The following ATOX1 variants were observed in gnomAD, a reference collection of about 807,000 sequenced individuals.
ATOX1 encodes copper transport protein ATOX1.
Under a neutral mutation model 7.3 loss-of-function variants are expected in ATOX1, and 4 were observed. That is an observed-to-expected ratio of 0.55 (90% confidence interval 0.27 to 1.25). The LOEUF is 1.25. Among genes scored for constraint, ATOX1 ranks in the 50% most tolerant of loss-of-function variants. The probability of loss-of-function intolerance (pLI) is 0.12; values close to 1 mark genes in which losing one functional copy is unlikely to be tolerated. For missense variants in ATOX1, 68 were observed against 81.6 expected, an observed-to-expected ratio of 0.83 and a Z score of 0.64; for synonymous variants, 25 against 28.7, an observed-to-expected ratio of 0.87 and a Z score of 0.41.
At chr5:151,751,950 A>G (rs886302863) in intron 1 of ATOX1, 171 bp from the exon 2 acceptor site, 15 of 622,104 alleles carry the variant, frequency 2.4e-5, no homozygotes, top group Non-Finnish European at 4.3e-5. Context: ...TCAACTATAG[A>G]GTAGCTAAGA....
intron 1 of ATOX1, 36 bp downstream of exon 1, chr5:151,758,510 G>A: frequency 1.3e-6 from 2 of 1,484,642 alleles, no homozygotes; most frequent in African/African-American, 1.5e-5. Flanking sequence ...ACCCGGGACT[G>A]CAAGTCTGCG....
intron 1 of ATOX1, among the ~76,000 whole-genome samples, chr5:151,758,301 C>T (rs1372016011): frequency 6.6e-6 from 1 of 152,254 alleles, no homozygotes; most frequent in Non-Finnish European, 1.5e-5. Flanking sequence ...AAGGTGTGGG[C>T]TTGTCGCCCC....
intron 2 of ATOX1, among the ~76,000 whole-genome samples, chr5:151,749,820 T>C (rs1412774689): frequency 1.3e-5 from 2 of 152,096 alleles, no homozygotes; most frequent in Non-Finnish European, 1.5e-5. Context: ...TTCTTTCCAC[T>C]GTTTCAGTTT....
At chr5:151,747,683 C>G (rs956507781) in intron 2 of ATOX1, among the ~76,000 whole-genome samples, 3 of 151,940 alleles carry the variant, frequency 2.0e-5, no homozygotes, top group Middle Eastern at 3.2e-3. Context: ...CTCCCGGGTT[C>G]AAGCGATTCT....
intron 2 of ATOX1, among the ~76,000 whole-genome samples, chr5:151,747,618 G>A (rs1203064527): frequency 2.2e-5 from 3 of 138,084 alleles, no homozygotes; most frequent in Admixed American, 1.4e-4. Context: ...ACAGAGTCTC[G>A]CTGTGTCACC....
chr5:151,755,639 A>G (rs1581559525), intron 1 of ATOX1, among the ~76,000 whole-genome samples: 1 of 152,298 alleles, frequency 6.6e-6, no homozygotes, highest in South Asian at 2.1e-4. Flanking sequence ...CATCCCCCAC[A>G]GTATAAAGGT....
rs1761856830 is a variant in ATOX1, at chr5:151,744,328, G to A, written c.*47-1369C>T. 3.3e-5 allele frequency: 5 copies of A among 152,328 alleles called. No individual in the cohort carries two copies. The South Asian group carries it at 1.0e-3, about 32-fold the overall frequency. 9.4% of individuals were successfully genotyped at this position (152,328 alleles called of 1,614,324 possible). On this transcript the variant is annotated intron_variant, in intron 3 of 3. Coordinates refer to ENST00000313115, the MANE Select transcript of ATOX1 (RefSeq NM_004045.4). ...GTTCCATTATTGGAACGCTAAGCTTGCAGGAGTTATTTATATCCTACTGTT... is the reference window on the plus strand; with the variant it reads ...GTTCCATTATTGGAACGCTAAGCTTACAGGAGTTATTTATATCCTACTGTT...
At chr5:151,752,421 T>C in intron 1 of ATOX1, 11 of 699,584 alleles carry the variant, frequency 1.6e-5, no homozygotes, top group Middle Eastern at 6.9e-4. Flanking sequence ...CCCCGGCTCC[T>C]AGTCTTCATG....
intron 1 of ATOX1, chr5:151,752,143 G>C: frequency 1.6e-6 from 1 of 637,284 alleles, no homozygotes. Flanking sequence ...CTCTGACAGG[G>C]ATGGGCCCCC....
At position 151,758,584 on chromosome 5, in the gene ATOX1, G is replaced by A; in HGVS notation, c.-33C>T. ...GCAGCGGCGGTGTGGCGGCGGTGTG[G>A]CGGCGGTGTCAGCAGCGCCTCTCTG... On this transcript the variant is annotated 5_prime_UTR_variant, in exon 1 of 4. Coordinates refer to ENST00000313115, the MANE Select transcript of ATOX1 (RefSeq NM_004045.4). The A allele has an allele frequency of 2.8e-6, 4 of 1,418,478 alleles. No individual in the cohort carries two copies. Among genetic ancestry groups the A allele is most frequent in the South Asian group, 1.5e-5 (1 of 64,894 alleles). The allele number at this position is 1,418,478 out of a possible 1,614,324, so 87.9% of individuals were successfully genotyped here. A position where few individuals can be genotyped will look rare whatever the true frequency, so the allele number is the denominator to read the frequency against.
Position 151,756,058 on chromosome 5 carries a change from C to T in ATOX1, c.6+2488G>A, listed in dbSNP as rs192456523. On this transcript the variant is annotated intron_variant, in intron 1 of 3. Transcript: ENST00000313115. ...CTGGGTTCAAGCGATTCTCCTGCCT[C>T]AGACTCCCGAGTAGCTGGGACTACA... 4.0e-5 allele frequency among the ~76,000 whole-genome samples: 6 copies of T among 151,590 alleles called. No homozygotes were observed. The East Asian group carries it at 1.2e-3, about 30-fold the overall frequency.
chr5:151,746,741 T>C (rs1198202474), intron 2 of ATOX1, among the ~76,000 whole-genome samples: 5 of 152,232 alleles, frequency 3.3e-5, no homozygotes, highest in Non-Finnish European at 4.4e-5. Context: ...TGTTCTATAC[T>C]AGGGCTTTCT....
Position 151,746,299 on chromosome 5 carries a change from T to C in ATOX1, c.*26A>G. The C allele has an allele frequency of 6.2e-7, 1 of 1,611,524 alleles. No homozygotes were observed. Among genetic ancestry groups the C allele is most frequent in the Non-Finnish European group, 8.5e-7 (1 of 1,178,958 alleles). The stretch of plus-strand genomic sequence containing the variant: ...CCCACCTGCCCCCTTTGGTCCATCC[T>C]GTGGGCTGTGGGGACCAGGCCCCTG... On this transcript the variant is annotated 3_prime_UTR_variant, in exon 3 of 4. Coordinates refer to ENST00000313115, the MANE Select transcript of ATOX1 (RefSeq NM_004045.4).
At chr5:151,750,819 T>C (rs758771329) in intron 2 of ATOX1, among the ~76,000 whole-genome samples, 17 of 151,750 alleles carry the variant, frequency 1.1e-4, no homozygotes, top group Non-Finnish European at 1.0e-4. Flanking sequence ...GGCTAATTTT[T>C]TTGGTATTTT....
chr5:151,751,504 T>A (rs1451517841), intron 2 of ATOX1, among the ~76,000 whole-genome samples, 200 bp downstream of exon 2: 1 of 152,022 alleles, frequency 6.6e-6, no homozygotes, highest in Non-Finnish European at 1.5e-5. Context: ...AAAAAAACTA[T>A]CTGAAATGGC....
intron 1 of ATOX1, among the ~76,000 whole-genome samples, chr5:151,756,967 A>G (rs1762026170): frequency 1.3e-5 from 2 of 152,354 alleles, no homozygotes; most frequent in South Asian, 4.1e-4. Flanking sequence ...GAGATAAAGC[A>G]ACTTGCCTGA....
intron 2 of ATOX1, among the ~76,000 whole-genome samples, chr5:151,750,640 CTTTCTTTTTT>C (rs1373043513): frequency 5.8e-5 from 6 of 103,048 alleles, no homozygotes; most frequent in African/African-American, 1.0e-4. Context: ...TCCTTTTTTT[CTTTCTTTTTT>C]TTTTTTTTTT....
intron 1 of ATOX1, among the ~76,000 whole-genome samples, chr5:151,752,728 A>G (rs1436926179): frequency 1.3e-5 from 2 of 152,328 alleles, no homozygotes; most frequent in East Asian, 3.9e-4. Flanking sequence ...TTCAGATACC[A>G]GCTCTGGCAC....
At chr5:151,754,133 C>T (rs1271664724) in intron 1 of ATOX1, 3 of 152,154 alleles carry the variant, frequency 2.0e-5, no homozygotes, top group South Asian at 4.1e-4. Flanking sequence ...GTAAGTATTA[C>T]AAAATCTTGT....
Sources: allele counts gnomAD v4.1 joint callset (sites outside exome capture counted in the v4.1 genomes callset), GRCh38; gene constraint gnomAD v4.1.1; transcripts MANE v1.5; gene names NCBI Gene and HGNC (gene_info 2026-07-23, HGNC 2026-07-21).